SLC24A1: variants seen among roughly 807,000 people sequenced by gnomAD.
The protein encoded by SLC24A1 is sodium/potassium/calcium exchanger 1.
SLC24A1 carries 52 observed loss-of-function variants against 88.1 expected under a neutral mutation model. The observed-to-expected ratio is 0.59, with a 90% CI of 0.47 to 0.74. The LOEUF is 0.74. Among genes scored for constraint, SLC24A1 ranks in the 30% least tolerant of loss-of-function variants. SLC24A1 has a pLI of 0.00. For synonymous variants in SLC24A1, 455 were observed against 498.0 expected (o/e 0.91, Z 1.15); for missense variants, 1,173 against 1,363.3 (o/e 0.86, Z 2.20).
intron 6 of SLC24A1, among the ~76,000 whole-genome samples, chr15:65,646,811 T>C (rs2075316329): frequency 6.6e-6 from 1 of 152,242 alleles, no homozygotes; most frequent in Non-Finnish European, 1.5e-5. Context: ...TGATTATATC[T>C]CATCCTTAAG....
At chr15:65,651,922 G>A (rs1478639423) in intron 8 of SLC24A1, 163 bp downstream of exon 8, 6 of 647,720 alleles carry the variant, frequency 9.3e-6, no homozygotes, top group African/African-American at 1.8e-5. Flanking sequence ...TCCAGTGAAC[G>A]CAGTGCTTCT....
rs759490459 is a variant in SLC24A1 at position 65,624,137 on chromosome 15, G to A, written c.57G>A (p.Arg19=). The A allele has an allele frequency of 1.9e-6, 3 of 1,613,232 alleles. No homozygotes were observed. Among genetic ancestry groups the A allele is most frequent in the South Asian group, 2.2e-5 (2 of 90,974 alleles). The change falls in exon 2 of 10, where the codon CGG becomes CGA. Residue 19 remains arginine (R), a synonymous_variant. Coordinates refer to ENST00000261892, the MANE Select transcript of SLC24A1 (RefSeq NM_004727.3). ...AGAGGTGGTTACTCCGGACAAAGCGGCTTCATTGGAGTCGCCTCCTCTTCT... is the reference window on the plus strand; with the variant it reads ...AGAGGTGGTTACTCCGGACAAAGCGACTTCATTGGAGTCGCCTCCTCTTCT... ...PQERWLLRTK[R]LHWSRLLFLL... is the part of the protein sequence containing the mutation.
Position 65,625,503 on chromosome 15 carries a change from G to T in SLC24A1, c.1423G>T (p.Glu475Ter). The stretch of plus-strand genomic sequence containing the variant: ...TGTGGCCTTGGCCATTGTTTGCGAC[G>T]AGTACTTCGTTCCAGCCCTGGGTGT... ...VFVALAIVCD[E>*]YFVPALGVIT... The change falls in exon 2 of 10, where the codon GAG becomes TAG. Residue 475 changes from glutamate (E) to a stop codon, truncating the protein, a stop_gained. Coordinates refer to ENST00000261892, the MANE Select transcript of SLC24A1 (RefSeq NM_004727.3). LOFTEE classifies it high-confidence loss of function. The T allele has an allele frequency of 1.2e-6, 2 of 1,614,016 alleles. No homozygotes were observed. The highest frequency in any genetic ancestry group is 1.7e-6 in the Non-Finnish European group (2 of 1,179,882).
At chr15:65,623,635 G>A (rs1297513208) in intron 1 of SLC24A1, among the ~76,000 whole-genome samples, 2 of 152,150 alleles carry the variant, frequency 1.3e-5, no homozygotes, top group African/African-American at 4.8e-5. Context: ...TCTTAGGCTT[G>A]GACCTGAAGA....
rs536133573 is a variant in SLC24A1 at position 65,612,877 on chromosome 15, G to A, written c.-228+264G>A. The stretch of plus-strand genomic sequence containing the variant: ...TAGTTCTTCTGAATAACAGGCTTTG[G>A]GAGACTTGGAAAGCAAAAAATCAAT... On this transcript the variant is annotated intron_variant, in intron 2 of 11. Coordinates refer to the SLC24A1 transcript ENST00000537259. Among the ~76,000 whole-genome samples, 3 of 152,266 alleles carry A rather than the reference G, an allele frequency of 2.0e-5. No homozygotes were observed. The South Asian group carries it at 6.2e-4, about 32-fold the overall frequency.
chr15:65,617,912 GC>G (rs2074201206), upstream of SLC24A1, among the ~76,000 whole-genome samples: 1 of 152,098 alleles, frequency 6.6e-6, no homozygotes, highest in African/African-American at 2.4e-5. Context: ...TTGCTATGTT[GC>G]CCAGGATGGT....
rs563752295 is a variant in SLC24A1, at chr15:65,624,887, G to A, written c.807G>A (p.Leu269=). 1 of 1,613,974 alleles carries A rather than the reference G, an allele frequency of 6.2e-7. No homozygotes were observed. The highest frequency in any genetic ancestry group is 2.2e-5 in the East Asian group (1 of 44,892). ...FLTHEVEANV[L]TSPRSVMEKN... is the part of the protein sequence containing the mutation. ...CACATGAGGTAGAAGCAAACGTCTT[G>A]ACTTCTCCAAGGAGCGTCATGGAAA... is the stretch of plus-strand genomic sequence containing the variant. The change falls in exon 2 of 10, where the codon TTG becomes TTA. Residue 269 remains leucine, a synonymous_variant. Transcript: ENST00000261892.
At chr15:65,611,374 C>T (rs987466079), upstream of SLC24A1, 4 of 603,554 alleles carry the variant, frequency 6.6e-6, no homozygotes, top group African/African-American at 1.9e-5. Context: ...TCTCTCGAGC[C>T]TTGGCTGGGT....
At chr15:65,633,923 G>C (rs964561661) in intron 2 of SLC24A1, among the ~76,000 whole-genome samples, 23 of 152,088 alleles carry the variant, frequency 1.5e-4, no homozygotes, top group African/African-American at 5.6e-4. Flanking sequence ...AAGAGAAACA[G>C]ATCAGAAGTC....
chr15:65,624,563 A>G lies in SLC24A1; in HGVS notation c.483A>G (p.Gln161=), dbSNP rs750598986. The G allele has an allele frequency of 7.5e-6, 12 of 1,596,252 alleles. No homozygotes were observed. In the Admixed American group the frequency reaches 2.1e-4, roughly 28 times the overall value. ...ACTACACCTCAACTTCAAGCAGACAAATAGTAAAAAAGTATACCCCAACAC... is the reference window on the plus strand; with the variant it reads ...ACTACACCTCAACTTCAAGCAGACAGATAGTAAAAAAGTATACCCCAACAC... ...LTYYTSTSSR[Q]IVKKYTPTPR... is the part of the protein sequence containing the mutation. Residue 161 remains glutamine, a synonymous_variant, in exon 2 of 10, where the codon CAA becomes CAG. Coordinates refer to ENST00000261892, the MANE Select transcript of SLC24A1 (RefSeq NM_004727.3).
chr15:65,625,794 C>T lies in SLC24A1; in HGVS notation c.1714C>T (p.Leu572Phe), dbSNP rs1458763278. The T allele has an allele frequency of 6.2e-7, 1 of 1,613,938 alleles. No homozygotes were observed. Among genetic ancestry groups the T allele is most frequent in the Admixed American group, 1.7e-5 (1 of 60,008 alleles). The stretch of plus-strand genomic sequence containing the variant: ...CTTCTACATCCTTGACCTGATAATG[C>T]TCATCCTCTTCTTCCTGGACAGCCT... ...VSFYILDLIM[L>F]ILFFLDSLIA... The change falls in exon 2 of 10, where the codon CTC (leucine) becomes TTC (phenylalanine). Residue 572 changes from leucine (L) to phenylalanine (F), a missense_variant. Transcript: ENST00000261892.
Position 65,654,626 on chromosome 15 carries a change from A to AG in SLC24A1, c.*548dup. ...GGTGAGTCTAAGGATCCAAGGCTAC[A>AG]GAAAAAAAAGAAATATAACAGGAAT... On this transcript the variant is annotated 3_prime_UTR_variant, in exon 10 of 10. Coordinates refer to ENST00000261892, the MANE Select transcript of SLC24A1 (RefSeq NM_004727.3). 1.0e-5 allele frequency: 13 copies of AG among 1,258,064 alleles called. No individual in the cohort carries two copies. The highest frequency in any genetic ancestry group is 1.3e-5 in the Non-Finnish European group (13 of 977,732). The allele number at this position is 1,258,064 out of a possible 1,614,324, so 77.9% of individuals were successfully genotyped here. A position where few individuals can be genotyped will look rare whatever the true frequency, so the allele number is the denominator to read the frequency against.
In SLC24A1 at chr15:65,656,064, C is replaced by T. The variant is rs931861408; in HGVS notation, c.*1985C>T. 1 of 985,262 alleles carries T rather than the reference C, an allele frequency of 1.0e-6. No homozygotes were observed. Among genetic ancestry groups the T allele is most frequent in the African/African-American group, 1.7e-5 (1 of 57,206 alleles). 61.0% of individuals were successfully genotyped at this position (985,262 alleles called of 1,614,324 possible). A position where few individuals can be genotyped will look rare whatever the true frequency, so the allele number is the denominator to read the frequency against. ...AGGCAATGCTTGTGGGAGGGAGGTC[C>T]CAATACCAAAATTCTGGGCACTAAC... On this transcript the variant is annotated 3_prime_UTR_variant, in exon 10 of 10. Coordinates refer to ENST00000261892, the MANE Select transcript of SLC24A1 (RefSeq NM_004727.3).
chr15:65,611,440 C>A, exon 1 of SLC24A1: 1 of 536,402 alleles, frequency 1.9e-6, no homozygotes, highest in Non-Finnish European at 3.4e-6. Flanking sequence ...CGGGCTCTTT[C>A]CTTCCCCTTC....
Position 65,644,465 on chromosome 15 carries a change from C to G in SLC24A1, c.2092C>G (p.Gln698Glu). Reference protein sequence around the residue: ...AKEKEEESLNQGARAQPQAKA... With the variant: ...AKEKEEESLNEGARAQPQAKA... ...GGAGAAGGAGGAGGAGAGCTTGAATCAAGGGGCCAGAGCCCAACCCCAGGC... is the reference window on the plus strand; with the variant it reads ...GGAGAAGGAGGAGGAGAGCTTGAATGAAGGGGCCAGAGCCCAACCCCAGGC... Residue 698 changes from glutamine to glutamate, a missense_variant, in exon 5 of 10, where the codon CAA (glutamine) becomes GAA (glutamate). By Grantham distance (29) the Gln-to-Glu change is conservative. Transcript: ENST00000261892. The G allele has an allele frequency of 1.3e-6, 2 of 1,597,430 alleles. No homozygotes were observed. The highest frequency in any genetic ancestry group is 2.3e-5 in the East Asian group (1 of 44,200).
Position 65,653,955 on chromosome 15 carries a change from T to C in SLC24A1, c.3176T>C (p.Ile1059Thr), listed in dbSNP as rs775295158. Residue 1059 changes from isoleucine (I) to threonine (T), a missense_variant, in exon 10 of 10, where the codon ATT (isoleucine) becomes ACT (threonine). Coordinates refer to ENST00000261892, the MANE Select transcript of SLC24A1 (RefSeq NM_004727.3). ...FLMLLFVISS[I>T]ASCKWRMNKI... ...ATGCTTCTGTTTGTGATCTCTTCAA[T>C]TGCGTCATGTAAATGGAGAATGAAC... 9.3e-6 allele frequency: 15 copies of C among 1,613,932 alleles called. No individual in the cohort carries two copies. Among genetic ancestry groups the C allele is most frequent in the South Asian group, 2.2e-5 (2 of 91,088 alleles).
upstream of SLC24A1, among the ~76,000 whole-genome samples, chr15:65,620,506 A>C (rs2074285849): frequency 6.6e-6 from 1 of 152,186 alleles, no homozygotes; most frequent in East Asian, 1.9e-4. Context: ...ACTTGTCCAA[A>C]CTCACATGGC....
At chr15:65,645,830 C>A in intron 6 of SLC24A1, 127 bp downstream of exon 6, 1 of 644,074 alleles carries the variant, frequency 1.6e-6, no homozygotes, top group Non-Finnish European at 2.7e-6. Context: ...GTAAATATTA[C>A]CCTTTCTCTG....
intron 6 of SLC24A1, among the ~76,000 whole-genome samples, chr15:65,647,064 C>A (rs1432716963): frequency 1.3e-5 from 2 of 152,190 alleles, no homozygotes; most frequent in African/African-American, 2.4e-5. Flanking sequence ...CAGGCTCTAT[C>A]ATGGGCCTCT....
Sources: allele counts gnomAD v4.1 joint callset (sites outside exome capture counted in the v4.1 genomes callset), GRCh38; gene constraint gnomAD v4.1.1; transcripts MANE v1.5; gene names NCBI Gene and HGNC (gene_info 2026-07-23, HGNC 2026-07-21).